The following NELL1 variants were observed in gnomAD, a reference collection of about 807,000 sequenced individuals.
NELL1 encodes neural EGFL like 1, also known as protein kinase C-binding protein NELL1.
In NELL1, 76 loss-of-function variants were observed where a neutral mutation model predicts 107.4. The observed-to-expected ratio is 0.71, with a 90% CI of 0.59 to 0.86. The LOEUF is 0.86. Among genes scored for constraint, NELL1 ranks in the 40% least tolerant of loss-of-function variants. The pLI is 0.00. For missense variants in NELL1, 1,024 were observed against 1,005.5 expected, an observed-to-expected ratio of 1.02 and a Z score of -0.25; for synonymous variants, 353 against 341.2, an observed-to-expected ratio of 1.03 and a Z score of -0.38.
chr11:20,936,086 G>A (rs1163024356), intron 9 of NELL1, among the ~76,000 whole-genome samples: 2 of 152,184 alleles, frequency 1.3e-5, no homozygotes, highest in Non-Finnish European at 2.9e-5. Flanking sequence ...TAGGAATGAG[G>A]TGGTGAAGGA....
rs1260093524 is a variant in NELL1, at chr11:20,721,197, AGTG to A, written c.184+43138_184+43140del. Among the ~76,000 whole-genome samples, 168 of 108,134 alleles carry A rather than the reference AGTG, an allele frequency of 1.6e-3. 1 individual carries two copies. Among genetic ancestry groups the A allele is most frequent in the African/African-American group, 8.3e-3 (146 of 17,602 alleles). 70.9% of individuals were successfully genotyped at this position (108,134 alleles called of 152,430 possible). A position where few individuals can be genotyped will look rare whatever the true frequency, so the allele number is the denominator to read the frequency against. On this transcript the variant is annotated intron_variant, in intron 2 of 19. Coordinates refer to ENST00000357134, the MANE Select transcript of NELL1 (RefSeq NM_006157.5). ...ATATTTTGTGTATATATATATATAT[AGTG>A]TATATATATATTTTGTTTATATATA...
chr11:20,722,790 C>T (rs972841811), intron 2 of NELL1, among the ~76,000 whole-genome samples: 4 of 152,148 alleles, frequency 2.6e-5, no homozygotes, highest in African/African-American at 9.7e-5. Context: ...AAGTTGATTA[C>T]TCAGTCTCTG....
intron 2 of NELL1, among the ~76,000 whole-genome samples, chr11:20,747,617 A>G (rs1011134346): frequency 6.6e-6 from 1 of 152,226 alleles, no homozygotes; most frequent in African/African-American, 2.4e-5. Context: ...CTTATCACCT[A>G]GTCACTTCCT....
intron 15 of NELL1, among the ~76,000 whole-genome samples, chr11:21,409,386 A>T (rs1431173399): frequency 6.6e-6 from 1 of 152,034 alleles, no homozygotes; most frequent in Non-Finnish European, 1.5e-5. Flanking sequence ...AACAATGAGA[A>T]CACATGGACA....
intron 13 of NELL1, among the ~76,000 whole-genome samples, chr11:21,144,294 T>G (rs769526177): frequency 1.3e-5 from 2 of 152,118 alleles, no homozygotes; most frequent in Non-Finnish European, 2.9e-5. Flanking sequence ...GAGTGGAAGT[T>G]AGAAGTAAAC....
chr11:21,294,408 T>G (rs1849332851), intron 14 of NELL1, among the ~76,000 whole-genome samples: 2 of 152,114 alleles, frequency 1.3e-5, no homozygotes, highest in African/African-American at 4.8e-5. Context: ...CATATGTACC[T>G]TGAGAGTAGG....
At chr11:20,704,585 G>T (rs1312755332) in intron 2 of NELL1, among the ~76,000 whole-genome samples, 1 of 152,182 alleles carries the variant, frequency 6.6e-6, no homozygotes, top group Non-Finnish European at 1.5e-5. Flanking sequence ...AGTTGATGCA[G>T]TTTCTTCCTA....
At chr11:21,288,061 A>AAAAGGGAAG (rs1849165588) in intron 14 of NELL1, among the ~76,000 whole-genome samples, 1 of 151,474 alleles carries the variant, frequency 6.6e-6, no homozygotes. Flanking sequence ...AAGGAAGGAA[A>AAAAGGGAAG]GAAGGAAATA....
At chr11:21,514,161 C>T (rs1363391916) in intron 15 of NELL1, among the ~76,000 whole-genome samples, 1 of 152,048 alleles carries the variant, frequency 6.6e-6, no homozygotes, top group Non-Finnish European at 1.5e-5. Context: ...CTAACATATT[C>T]CATCATTTTG....
chr11:21,230,311 CA>C (rs1031007370), intron 14 of NELL1, among the ~76,000 whole-genome samples: 16 of 152,102 alleles, frequency 1.1e-4, no homozygotes, highest in African/African-American at 3.9e-4. Context: ...CTTGTCCCCC[CA>C]CTGTCCCTGG....
intron 13 of NELL1, among the ~76,000 whole-genome samples, chr11:21,116,055 A>G (rs922893144): frequency 2.6e-5 from 4 of 151,846 alleles, no homozygotes; most frequent in African/African-American, 9.7e-5. Context: ...CAGCTCACAT[A>G]TGCTCCTCAC....
intron 10 of NELL1, among the ~76,000 whole-genome samples, chr11:20,943,450 G>A (rs548895827): frequency 6.6e-6 from 1 of 152,104 alleles, no homozygotes; most frequent in Non-Finnish European, 1.5e-5. Context: ...GGGCATGGTG[G>A]CACATGCCTG....
chr11:21,007,853 C>T (rs1249707615), intron 12 of NELL1, among the ~76,000 whole-genome samples: 1 of 152,030 alleles, frequency 6.6e-6, no homozygotes, highest in Non-Finnish European at 1.5e-5. Flanking sequence ...TTTGTAACAC[C>T]TCAGATACAT....
intron 14 of NELL1, among the ~76,000 whole-genome samples, chr11:21,345,803 T>G (rs1162166006): frequency 2.0e-5 from 3 of 152,166 alleles, no homozygotes; most frequent in African/African-American, 7.2e-5. Context: ...GTGCTTTGAA[T>G]TTTTCACAGA....
At chr11:20,699,993 A>T (rs1023281302) in intron 2 of NELL1, among the ~76,000 whole-genome samples, 1 of 151,944 alleles carries the variant, frequency 6.6e-6, no homozygotes, top group African/African-American at 2.4e-5. Context: ...GTAAGGTGGT[A>T]TCTCATTGTG....
At chr11:21,276,679 G>A (rs1848870142) in intron 14 of NELL1, among the ~76,000 whole-genome samples, 1 of 152,100 alleles carries the variant, frequency 6.6e-6, no homozygotes, top group Non-Finnish European at 1.5e-5. Context: ...AAAACAGCAT[G>A]GTACTGGTGC....
chr11:21,397,402 T>C (rs1255930325), intron 15 of NELL1, among the ~76,000 whole-genome samples: 1 of 151,504 alleles, frequency 6.6e-6, no homozygotes, highest in African/African-American at 2.4e-5. Flanking sequence ...TGGGAAAATA[T>C]GGAAAAGCAA....
intron 2 of NELL1, among the ~76,000 whole-genome samples, chr11:20,701,973 A>C (rs1286716853): frequency 1.3e-5 from 2 of 152,064 alleles, no homozygotes; most frequent in African/African-American, 2.4e-5. Context: ...TTTGGCTCAG[A>C]ATTGTCTTGG....
chr11:21,007,825 C>T (rs767532938), intron 12 of NELL1, among the ~76,000 whole-genome samples: 1 of 151,998 alleles, frequency 6.6e-6, no homozygotes. Flanking sequence ...AGGTATGGCC[C>T]ACTTACATAA....
Sources: gnomAD v4.1 joint callset for allele counts (sites outside exome capture counted in the v4.1 genomes callset) on GRCh38, gnomAD v4.1.1 for gene constraint, MANE v1.5 for transcripts, NCBI Gene and HGNC (gene_info 2026-07-23, HGNC 2026-07-21) for gene names.